LYSMD2: variants seen among roughly 807,000 people sequenced by gnomAD.
LYSMD2 encodes the protein LysM domain containing 2.
LYSMD2 carries 6 observed loss-of-function variants against 17.7 expected under a neutral mutation model. The ratio of observed to expected loss-of-function variants is 0.34; its 90% CI spans 0.19 to 0.67. The LOEUF (loss-of-function observed/expected upper bound fraction) is 0.67, where lower values mean the gene tolerates loss of function less well. Ranked by LOEUF, LYSMD2 falls within the 30% of genes least tolerant of loss-of-function variation. The pLI is 0.69. For synonymous variants in LYSMD2, 102 were observed against 129.8 expected (o/e 0.79, Z 1.45); for missense variants, 237 against 286.7 (o/e 0.83, Z 1.25).
intron 1 of LYSMD2, among the ~76,000 whole-genome samples, chr15:51,728,281 T>C (rs1170897479): frequency 6.6e-6 from 1 of 151,568 alleles, no homozygotes; most frequent in African/African-American, 2.4e-5. Flanking sequence ...TAGCCAGGCG[T>C]GGTGGCGCAT....
chr15:51,744,518 C>A (rs1290651946), intron 1 of LYSMD2, among the ~76,000 whole-genome samples: 1 of 151,946 alleles, frequency 6.6e-6, no homozygotes, highest in Non-Finnish European at 1.5e-5. Flanking sequence ...GTGTATAATT[C>A]TTTTTATAAA....
chr15:51,749,568 G>A (rs565541350), intron 1 of LYSMD2, among the ~76,000 whole-genome samples: 49 of 152,202 alleles, frequency 3.2e-4, no homozygotes, highest in East Asian at 1.9e-3. Flanking sequence ...CATTTTCCTC[G>A]TGCAGAACCA....
At chr15:51,740,859 G>A (rs190366864), upstream of LYSMD2, among the ~76,000 whole-genome samples, 132 of 152,106 alleles carry the variant, frequency 8.7e-4, no homozygotes, top group African/African-American at 3.0e-3. Context: ...TGTATTGTAT[G>A]GAAAATATAA....
At chr15:51,740,549 C>T (rs1250696842), upstream of LYSMD2, among the ~76,000 whole-genome samples, 1 of 152,042 alleles carries the variant, frequency 6.6e-6, no homozygotes, top group Non-Finnish European at 1.5e-5. Flanking sequence ...GAAAAGAAAT[C>T]AGCTGTTATT....
intron 1 of LYSMD2, among the ~76,000 whole-genome samples, chr15:51,728,258 G>C (rs1184667900): frequency 4.0e-5 from 6 of 151,830 alleles, no homozygotes; most frequent in Admixed American, 3.9e-4. Context: ...CTAAAAAAAA[G>C]AAATACAAAA....
chr15:51,749,793 C>T (rs956332088), intron 1 of LYSMD2, among the ~76,000 whole-genome samples: 3 of 152,212 alleles, frequency 2.0e-5, no homozygotes, highest in Non-Finnish European at 4.4e-5. Context: ...GGCATCCTGT[C>T]GGTTACACAG....
chr15:51,723,480 T>C lies in LYSMD2; in HGVS notation c.*127A>G, dbSNP rs1390926862. 2.0e-5 allele frequency: 15 copies of C among 766,172 alleles called. No homozygotes were observed. The highest frequency in any genetic ancestry group is 3.2e-5 in the Non-Finnish European group (14 of 434,134). 47.5% of individuals were successfully genotyped at this position (766,172 alleles called of 1,614,324 possible). On this transcript the variant is annotated 3_prime_UTR_variant, in exon 3 of 3. Transcript: ENST00000267838. ...TCAGTGCAACTGCAGCAGGTAGAAC[T>C]ACCTAGTTATGATTTTAAGATGGAC... is the stretch of plus-strand genomic sequence containing the variant.
At chr15:51,727,435 T>A (rs1019798118) in intron 1 of LYSMD2, among the ~76,000 whole-genome samples, 2 of 152,212 alleles carry the variant, frequency 1.3e-5, no homozygotes, top group South Asian at 2.1e-4. Context: ...GGGTAATGTC[T>A]CCCTGCTATT....
chr15:51,724,387 G>T (rs535553026), intron 2 of LYSMD2, among the ~76,000 whole-genome samples: 1 of 152,284 alleles, frequency 6.6e-6, no homozygotes, highest in East Asian at 1.9e-4. Flanking sequence ...TCTCTTGAAA[G>T]TGTCAGTGAG....
chr15:51,734,544 C>T (rs2055596777), intron 1 of LYSMD2, among the ~76,000 whole-genome samples: 1 of 152,094 alleles, frequency 6.6e-6, no homozygotes, highest in Admixed American at 6.5e-5. Flanking sequence ...TGAAGTCCTG[C>T]CTGACACCCA....
At chr15:51,749,713 C>T (rs1290238380) in intron 1 of LYSMD2, among the ~76,000 whole-genome samples, 3 of 152,150 alleles carry the variant, frequency 2.0e-5, no homozygotes, top group South Asian at 2.1e-4. Context: ...TGGCTCGATC[C>T]GTAAGCAGCC....
intron 1 of LYSMD2, among the ~76,000 whole-genome samples, chr15:51,735,019 A>C (rs141576511): frequency 1.0e-3 from 157 of 152,218 alleles, no homozygotes; most frequent in African/African-American, 3.5e-3. Context: ...TACAAAAAAT[A>C]CAAAAATTAG....
chr15:51,750,076 C>T (rs2055689882), intron 1 of LYSMD2, among the ~76,000 whole-genome samples: 1 of 152,202 alleles, frequency 6.6e-6, no homozygotes, highest in South Asian at 2.1e-4. Context: ...AGGTATGGCC[C>T]TATTTTGCAA....
chr15:51,747,572 T>C (rs867063081), intron 1 of LYSMD2, among the ~76,000 whole-genome samples: 2 of 152,380 alleles, frequency 1.3e-5, no homozygotes, highest in African/African-American at 4.8e-5. Flanking sequence ...ATTGTCTCAT[T>C]AATGTGAATT....
chr15:51,723,276 A>C lies in LYSMD2; in HGVS notation c.*331T>G, dbSNP rs80228061. 1.3e-4 allele frequency: 31 copies of C among 235,998 alleles called. 1 individual carries two copies. The East Asian group carries it at 2.2e-3, about 17-fold the overall frequency. The allele number at this position is 235,998 out of a possible 1,614,324, so 14.6% of individuals were successfully genotyped here. A position where few individuals can be genotyped will look rare whatever the true frequency, so the allele number is the denominator to read the frequency against. On this transcript the variant is annotated 3_prime_UTR_variant, in exon 3 of 3. Coordinates refer to ENST00000267838, the MANE Select transcript of LYSMD2 (RefSeq NM_153374.3). ...ATAATCAGGATTGCATAAGGAGATA[A>C]ACATTATTTTTAGCCTAAATATATA...
At chr15:51,750,969 G>A in intron 1 of LYSMD2, among the ~76,000 whole-genome samples, 1 of 152,196 alleles carries the variant, frequency 6.6e-6, no homozygotes, top group East Asian at 1.9e-4. Flanking sequence ...AACTTTCACT[G>A]AGTATGCACT....
chr15:51,747,177 G>A (rs1458637767), intron 1 of LYSMD2, among the ~76,000 whole-genome samples: 3 of 151,582 alleles, frequency 2.0e-5, no homozygotes, highest in Non-Finnish European at 4.4e-5. Flanking sequence ...TCCAGCCTGG[G>A]TAACAGAGTA....
intron 1 of LYSMD2, among the ~76,000 whole-genome samples, chr15:51,746,335 A>G (rs922244463): frequency 6.6e-6 from 1 of 152,226 alleles, no homozygotes; most frequent in Admixed American, 6.5e-5. Context: ...ATAATTAGGG[A>G]AAGAAGCCAG....
intron 1 of LYSMD2, among the ~76,000 whole-genome samples, chr15:51,748,842 AAAG>A (rs1245522689): frequency 2.0e-5 from 3 of 152,224 alleles, no homozygotes; most frequent in Non-Finnish European, 4.4e-5. Flanking sequence ...AGGCTTCTAT[AAAG>A]AAGAAGAGGG....
Sources: allele counts gnomAD v4.1 joint callset (sites outside exome capture counted in the v4.1 genomes callset), GRCh38; gene constraint gnomAD v4.1.1; transcripts MANE v1.5; gene names NCBI Gene and HGNC (gene_info 2026-07-23, HGNC 2026-07-21).